Variants in RNF17 observed in about 807,000 individuals in gnomAD.
RNF17 encodes ring finger protein 17.
In RNF17, 31 loss-of-function variants were observed where a neutral mutation model predicts 200.5. The observed-to-expected ratio is 0.15, with a 90% CI of 0.12 to 0.21. The LOEUF (loss-of-function observed/expected upper bound fraction) is 0.21, where lower values mean the gene tolerates loss of function less well. Among genes scored for constraint, RNF17 ranks in the 10% least tolerant of loss-of-function variants. The pLI, the probability that RNF17 is intolerant of heterozygous loss-of-function variation, is 1.00. For missense variants in RNF17, 1,628 were observed against 1,905.1 expected (o/e 0.85, Z 2.71); for synonymous variants, 606 against 637.8 (o/e 0.95, Z 0.75).
At chr13:24,802,679 TGAA>T (rs3039489) in intron 14 of RNF17, 108 bp downstream of exon 14, 121,793 of 740,252 alleles carry the variant, frequency 0.16, 11,403 homozygotes, top group South Asian at 0.3. Context: ...TTAACATACC[TGAA>T]GAAGTGAAAA....
At chr13:24,818,454 T>G (rs1887659758) in intron 15 of RNF17, among the ~76,000 whole-genome samples, 1 of 152,194 alleles carries the variant, frequency 6.6e-6, no homozygotes, top group Non-Finnish European at 1.5e-5. Flanking sequence ...TGTCTGGATG[T>G]TTTATGCACT....
In RNF17 at chr13:24,778,283, G is replaced by T; in HGVS notation, c.318-12G>T. 6.6e-7 allele frequency: 1 copy of T among 1,522,552 alleles called. No individual in the cohort carries two copies. Among genetic ancestry groups the T allele is most frequent in the South Asian group, 1.1e-5 (1 of 88,836 alleles). The allele number at this position is 1,522,552 out of a possible 1,614,324, so 94.3% of individuals were successfully genotyped here. ...TCACAAAAAATAAAATAATATACTT[G>T]ATACTTTTCAGGATAAAGAATTGTT... On this transcript the variant is annotated splice_polypyrimidine_tract_variant and intron_variant, in intron 3 of 35. Transcript: ENST00000255324.
intron 20 of RNF17, 117 bp from the exon 21 acceptor site, chr13:24,844,535 G>T (rs1891032460): frequency 7.6e-6 from 6 of 793,180 alleles, no homozygotes; most frequent in Non-Finnish European, 1.2e-5. Flanking sequence ...ATTCAAGGAA[G>T]AACAAGGTGC....
intron 34 of RNF17, among the ~76,000 whole-genome samples, chr13:24,878,378 A>AATAC: frequency 6.6e-6 from 1 of 152,198 alleles, no homozygotes; most frequent in Non-Finnish European, 1.5e-5. Context: ...TTGTCAGTAT[A>AATAC]TAAGGATAAG....
At chr13:24,788,490 A>G (rs139059589) in intron 7 of RNF17, among the ~76,000 whole-genome samples, 1 of 152,288 alleles carries the variant, frequency 6.6e-6, no homozygotes, top group East Asian at 1.9e-4. Context: ...CCCGATTAAA[A>G]AAATGAGGAC....
At chr13:24,752,841 T>C in the RNF17 span, among the ~76,000 whole-genome samples, 1 of 152,234 alleles carries the variant, frequency 6.6e-6, no homozygotes, top group African/African-American at 2.4e-5. Flanking sequence ...GTTGGATTGT[T>C]TGTTCCCTGC....
Position 24,835,914 on chromosome 13 carries a change from CA to C in RNF17, c.2482+3938del, listed in dbSNP as rs148023061. 2.6e-3 allele frequency among the ~76,000 whole-genome samples: 401 copies of C among 152,140 alleles called. 7 individuals are homozygous for C. The East Asian group carries it at 0.052, about 20-fold the overall frequency. ...GCCCAATGCAAGGAAATCCAAAAAA[CA>C]ATATAAGAAGTGAAGGGAGAAATAT... is the stretch of plus-strand genomic sequence containing the variant. On this transcript the variant is annotated intron_variant, in intron 18 of 35. Coordinates refer to ENST00000255324, the MANE Select transcript of RNF17 (RefSeq NM_031277.3).
the RNF17 span, among the ~76,000 whole-genome samples, chr13:24,758,859 A>G: frequency 1.3e-5 from 2 of 151,952 alleles, no homozygotes; most frequent in Non-Finnish European, 2.9e-5. Context: ...GGCGGATCAC[A>G]AGGTCAGGAG....
At chr13:24,855,552 C>T (rs1009339669) in intron 25 of RNF17, among the ~76,000 whole-genome samples, 11 of 151,762 alleles carry the variant, frequency 7.2e-5, no homozygotes, top group Non-Finnish European at 1.5e-4. Context: ...CATTTGAACC[C>T]GGGAGGCAGA....
intron 15 of RNF17, among the ~76,000 whole-genome samples, chr13:24,815,128 T>C (rs1887224273): frequency 6.6e-6 from 1 of 152,230 alleles, no homozygotes; most frequent in Non-Finnish European, 1.5e-5. Context: ...TAAATCACTT[T>C]GGATAGCATT....
At chr13:24,795,739 G>A (rs1884485216) in intron 10 of RNF17, among the ~76,000 whole-genome samples, 1 of 152,096 alleles carries the variant, frequency 6.6e-6, no homozygotes, top group South Asian at 2.1e-4. Context: ...ACTGGCTTTT[G>A]TAGGTTATCC....
intron 1 of RNF17, 67 bp downstream of exon 1, chr13:24,764,400 TG>T: frequency 6.7e-7 from 1 of 1,494,658 alleles, no homozygotes; most frequent in Non-Finnish European, 9.0e-7. Flanking sequence ...CCAGGTGAGC[TG>T]GTGGGCGCGT....
chr13:24,877,957 CTG>C (rs1461460115), intron 34 of RNF17, among the ~76,000 whole-genome samples: 3 of 152,170 alleles, frequency 2.0e-5, no homozygotes, highest in Non-Finnish European at 4.4e-5. Context: ...CCCAAAAAGT[CTG>C]TATTTCTGGC....
chr13:24,758,481 G>A, the RNF17 span, among the ~76,000 whole-genome samples: 1 of 152,112 alleles, frequency 6.6e-6, no homozygotes, highest in Non-Finnish European at 1.5e-5. Flanking sequence ...ACTGGTATAA[G>A]AAGAAGGTTC....
rs369141793 is a variant in RNF17 at position 24,872,505 on chromosome 13, G to A, written c.4448-1609G>A. On this transcript the variant is annotated intron_variant, in intron 32 of 35. Coordinates refer to ENST00000255324, the MANE Select transcript of RNF17 (RefSeq NM_031277.3). ...TATATACCGTACTAATTTTTCCACC[G>A]TTTAACTCAAGCCTAGCACTCATTG... 1.9e-4 allele frequency among the ~76,000 whole-genome samples: 29 copies of A among 150,748 alleles called. No homozygotes were observed. In the South Asian group the frequency reaches 2.6e-3, roughly 13 times the overall value.
the RNF17 span, among the ~76,000 whole-genome samples, chr13:24,750,235 C>G: frequency 6.6e-6 from 1 of 152,074 alleles, no homozygotes; most frequent in Non-Finnish European, 1.5e-5. Flanking sequence ...CACACTGTGG[C>G]CTGTCAGAGA....
intron 15 of RNF17, chr13:24,824,260 A>G (rs1888397602): frequency 2.8e-6 from 2 of 706,860 alleles, no homozygotes; most frequent in East Asian, 5.4e-5. Context: ...GTATTGGAAG[A>G]AGAACTTAAA....
At chr13:24,856,670 G>T (rs1593447675) in intron 25 of RNF17, among the ~76,000 whole-genome samples, 1 of 152,132 alleles carries the variant, frequency 6.6e-6, no homozygotes, top group African/African-American at 2.4e-5. Context: ...AAAGATTAAG[G>T]TTCCATATAT....
intron 33 of RNF17, among the ~76,000 whole-genome samples, chr13:24,875,301 T>G (rs1393222197): frequency 1.3e-5 from 2 of 152,180 alleles, no homozygotes; most frequent in East Asian, 3.8e-4. Flanking sequence ...TATAAAATGT[T>G]TATGGAAATA....
Sources: gnomAD v4.1 joint callset for allele counts (sites outside exome capture counted in the v4.1 genomes callset) on GRCh38, gnomAD v4.1.1 for gene constraint, MANE v1.5 for transcripts, NCBI Gene and HGNC (gene_info 2026-07-23, HGNC 2026-07-21) for gene names.